Variants in INTS1 observed in about 807,000 individuals in gnomAD.
INTS1 encodes integrator complex subunit 1.
A neutral mutation model predicts 241.6 loss-of-function variants in INTS1; 137 were observed. The observed-to-expected ratio is 0.57, with a 90% CI of 0.49 to 0.65. The LOEUF (loss-of-function observed/expected upper bound fraction) is 0.65, where lower values mean the gene tolerates loss of function less well. Ranked by LOEUF, INTS1 falls within the 30% of genes least tolerant of loss-of-function variation. The pLI, the probability that INTS1 is intolerant of heterozygous loss-of-function variation, is 0.00. For synonymous variants in INTS1, 1,692 were observed against 1,337.8 expected, an observed-to-expected ratio of 1.26 and a Z score of -5.78; for missense variants, 3,073 against 3,032.2, an observed-to-expected ratio of 1.01 and a Z score of -0.32.
chr7:1,484,845 C>T (rs1351117306), intron 24 of INTS1, among the ~76,000 whole-genome samples: 3 of 152,162 alleles, frequency 2.0e-5, no homozygotes, highest in African/African-American at 7.2e-5. Flanking sequence ...CGTGACGGCC[C>T]TCCCACCCTC....
chr7:1,484,700 C>T (rs972951112), intron 24 of INTS1, among the ~76,000 whole-genome samples: 9 of 152,218 alleles, frequency 5.9e-5, no homozygotes, highest in Non-Finnish European at 1.2e-4. Flanking sequence ...AGATTCCACC[C>T]TGCTGTGAAC....
Position 1,481,129 on chromosome 7 carries a change from G to A in INTS1, c.3851-196C>T. ...AGCTCAAAACACGGCCCTAGGGGGT[G>A]CCTGGCCCCAGGGTTGGGGCAGGCC... On this transcript the variant is annotated intron_variant, in intron 28 of 47. Transcript: ENST00000404767. This position sits in a 1 kb window ranked among gnomAD's most constrained non-coding sequence, Gnocchi z 6.8. The A allele has an allele frequency of 1.4e-6, 1 of 711,216 alleles. No homozygotes were observed. The highest frequency in any genetic ancestry group is 2.4e-6 in the Non-Finnish European group (1 of 412,746). 44.1% of individuals were successfully genotyped at this position (711,216 alleles called of 1,614,324 possible).
chr7:1,500,477 C>A lies in INTS1; in HGVS notation c.350-111G>T, dbSNP rs1783118777. On this transcript the variant is annotated intron_variant, in intron 3 of 47. Coordinates refer to ENST00000404767, the MANE Select transcript of INTS1 (RefSeq NM_001080453.3). ...CCAGAGCTCTCAGGGTCGGCCCTGCCAGGGACCAGCGATCCACCCTCAGCA... is the reference window on the plus strand; with the variant it reads ...CCAGAGCTCTCAGGGTCGGCCCTGCAAGGGACCAGCGATCCACCCTCAGCA... 6.6e-6 allele frequency: 8 copies of A among 1,216,910 alleles called. 1 individual carries two copies. The Admixed American group carries it at 1.7e-4, about 25-fold the overall frequency. The allele number at this position is 1,216,910 out of a possible 1,614,324, so 75.4% of individuals were successfully genotyped here. A position where few individuals can be genotyped will look rare whatever the true frequency, so the allele number is the denominator to read the frequency against.
chr7:1,490,809 A>G (rs905474306), intron 16 of INTS1, among the ~76,000 whole-genome samples: 4 of 152,272 alleles, frequency 2.6e-5, no homozygotes, highest in South Asian at 2.1e-4. Context: ...GTACTTCCCA[A>G]TTGTAAAACT....
chr7:1,478,942 A>C (rs1781865628), intron 31 of INTS1, 57 bp from the exon 32 acceptor site: 2 of 1,538,462 alleles, frequency 1.3e-6, no homozygotes, highest in East Asian at 4.7e-5. Flanking sequence ...GGGACCCGGC[A>C]CCCGAGGCCC....
Position 1,493,387 on chromosome 7 carries a change from C to T in INTS1, c.2069-281G>A, listed in dbSNP as rs949364199. 7.2e-5 allele frequency among the ~76,000 whole-genome samples: 11 copies of T among 152,208 alleles called. No homozygotes were observed. Among genetic ancestry groups the T allele is most frequent in the Admixed American group, 6.5e-4 (10 of 15,300 alleles). On this transcript the variant is annotated intron_variant, in intron 15 of 47. Coordinates refer to ENST00000404767, the MANE Select transcript of INTS1 (RefSeq NM_001080453.3). This position sits in a 1 kb window ranked among gnomAD's most constrained non-coding sequence, Gnocchi z 5.3. Reference sequence around the variant, plus strand: ...GGGTGTGGCCGGCAGGGTGGGGACCCGCAAGCCCTCGGGGCAGAGCCACGG... The same window carrying T: ...GGGTGTGGCCGGCAGGGTGGGGACCTGCAAGCCCTCGGGGCAGAGCCACGG...
Position 1,479,493 on chromosome 7 carries a change from C to G in INTS1, c.4266G>C (p.Val1422=), listed in dbSNP as rs1433101563. Residue 1422 remains valine, a synonymous_variant, in exon 31 of 48, where the codon GTG becomes GTC. Transcript: ENST00000404767. ...LLSSPHGGAL[V]MSMHRSHFLA... ...GGAAGTGGCTACGGTGCATGGACAT[C>G]ACCAGGGCACCGCCGTGTGGGGAGC... The G allele has an allele frequency of 6.4e-7, 1 of 1,573,630 alleles. No individual in the cohort carries two copies. The highest frequency in any genetic ancestry group is 2.3e-5 in the East Asian group (1 of 42,608).
Position 1,473,595 on chromosome 7 carries a change from G to A in INTS1, c.5928C>T (p.Ser1976=). The change falls in exon 42 of 48, where the codon TCC becomes TCT. Residue 1976 remains serine (S), a synonymous_variant. Coordinates refer to ENST00000404767, the MANE Select transcript of INTS1 (RefSeq NM_001080453.3). ...YITYNAPAAI[S]FLQKHADPLH... ...GCGGGTCGGCGTGCTTCTGCAGGAA[G>A]GAGATGGCTGCTGGGGCATTGTAGG... 6.2e-7 allele frequency: 1 copy of A among 1,607,724 alleles called. No individual in the cohort carries two copies. Among genetic ancestry groups the A allele is most frequent in the Middle Eastern group, 1.7e-4 (1 of 6,054 alleles).
intron 18 of INTS1, 70 bp from the exon 19 acceptor site, chr7:1,488,027 G>C (rs936359039): frequency 3.4e-5 from 51 of 1,507,864 alleles, no homozygotes; most frequent in Non-Finnish European, 4.5e-5. Flanking sequence ...GCCACGCTCA[G>C]GGTCAAGGAG....
At chr7:1,503,858 G>T in intron 2 of INTS1, 45 bp downstream of exon 2, 3 of 1,431,840 alleles carry the variant, frequency 2.1e-6, no homozygotes, top group Non-Finnish European at 2.9e-6. Context: ...GACCCCCAAA[G>T]ACCCCCAAAG....
At position 1,476,915 on chromosome 7, in the gene INTS1, T is replaced by C. The variant is rs745690904; in HGVS notation, c.4942A>G (p.Lys1648Glu). The change falls in exon 36 of 48, where the codon AAA (lysine) becomes GAA (glutamate). Residue 1648 changes from lysine (K) to glutamate (E), a missense_variant. Transcript: ENST00000404767. ...AACGAGGGCACCTGGGCCTGACCTTTGCCCTGGGGAGGGAGGAAGAAGCCC... is the reference window on the plus strand; with the variant it reads ...AACGAGGGCACCTGGGCCTGACCTTCGCCCTGGGGAGGGAGGAAGAAGCCC... Reference protein sequence around the residue: ...LRLLFSRRKGKGQAQVPSFRP... With the variant: ...LRLLFSRRKGEGQAQVPSFRP... The C allele has an allele frequency of 5.3e-5, 86 of 1,610,220 alleles. 4 individuals carry two copies. In the South Asian group the frequency reaches 9.4e-4, roughly 18 times the overall value.
Position 1,493,646 on chromosome 7 carries a change from G to A in INTS1, c.2068+108C>T, listed in dbSNP as rs1312195837. 3.6e-6 allele frequency: 5 copies of A among 1,398,522 alleles called. No homozygotes were observed. Among genetic ancestry groups the A allele is most frequent in the Non-Finnish European group, 4.7e-6 (5 of 1,059,816 alleles). 86.6% of individuals were successfully genotyped at this position (1,398,522 alleles called of 1,614,324 possible). ...CCTCCCGGGGACCCAGGACCCAGCT[G>A]AAGCGCAGCTTTGTGGAGCGCCCCA... On this transcript the variant is annotated intron_variant, in intron 15 of 47. Coordinates refer to ENST00000404767, the MANE Select transcript of INTS1 (RefSeq NM_001080453.3). This position sits in a 1 kb window ranked among gnomAD's most constrained non-coding sequence, Gnocchi z 5.3.
intron 3 of INTS1, among the ~76,000 whole-genome samples, chr7:1,501,829 C>G (rs1783195146): frequency 6.6e-6 from 1 of 152,212 alleles, no homozygotes. Flanking sequence ...ACACTGCCCA[C>G]AGCGCCCAGC....
At chr7:1,494,772 C>A in intron 14 of INTS1, 44 bp downstream of exon 14, 1 of 1,540,030 alleles carries the variant, frequency 6.5e-7, no homozygotes, top group Non-Finnish European at 8.7e-7. Flanking sequence ...CCCGCAGCCC[C>A]GCCCAGCCCG....
chr7:1,498,243 A>T (rs1465864816), intron 10 of INTS1, 169 bp downstream of exon 10: 1 of 1,010,214 alleles, frequency 9.9e-7, no homozygotes, highest in African/African-American at 1.6e-5. Flanking sequence ...CACTCTAGAA[A>T]CGGCTCAACC....
intron 39 of INTS1, among the ~76,000 whole-genome samples, chr7:1,475,146 G>A (rs925340325): frequency 6.6e-6 from 1 of 152,244 alleles, no homozygotes; most frequent in African/African-American, 2.4e-5. Flanking sequence ...CACTCTGTGA[G>A]GCCGCGGCAG....
Position 1,481,187 on chromosome 7 carries a change from T to C in INTS1, c.3850+155A>G. 5 of 908,128 alleles carry C rather than the reference T, an allele frequency of 5.5e-6. No homozygotes were observed. Among genetic ancestry groups the C allele is most frequent in the Non-Finnish European group, 8.7e-6 (5 of 574,784 alleles). 56.3% of individuals were successfully genotyped at this position (908,128 alleles called of 1,614,324 possible). On this transcript the variant is annotated intron_variant, in intron 28 of 47. Transcript: ENST00000404767. The surrounding 1 kb of genome is among the most constrained non-coding windows in gnomAD (Gnocchi z 6.8). ...CGGCTCCCTCCTGACTGTGCCAGCC[T>C]CACCAACCCACAGGTCTAAGCCTGC... is the stretch of plus-strand genomic sequence containing the variant.
intron 12 of INTS1, 32 bp from the exon 13 acceptor site, chr7:1,495,585 C>T (rs754868369): frequency 4.4e-6 from 7 of 1,592,566 alleles, no homozygotes; most frequent in Middle Eastern, 3.3e-4. Flanking sequence ...GTGGCCCATC[C>T]GAGCCATGGG....
At chr7:1,503,868 G>GACCCCCAAAC in intron 2 of INTS1, 35 bp downstream of exon 2, 13 of 1,509,060 alleles carry the variant, frequency 8.6e-6, no homozygotes, top group African/African-American at 1.4e-5. Context: ...GACCCCCAAA[G>GACCCCCAAAC]ACCCCCGGGC....
Sources: allele counts gnomAD v4.1 joint callset (sites outside exome capture counted in the v4.1 genomes callset), GRCh38; gene constraint gnomAD v4.1.1; non-coding constraint Gnocchi (gnomAD v3.1); transcripts MANE v1.5; gene names NCBI Gene and HGNC (gene_info 2026-07-23, HGNC 2026-07-21).